TACC2: variants seen among roughly 807,000 people sequenced by gnomAD.
The protein encoded by TACC2 is transforming acidic coiled-coil-containing protein 2.
A neutral mutation model predicts 227.3 loss-of-function variants in TACC2; 137 were observed. The ratio of observed to expected loss-of-function variants is 0.60; its 90% CI spans 0.52 to 0.69. The LOEUF (loss-of-function observed/expected upper bound fraction) is 0.69. TACC2 is among the 30% of genes least tolerant of loss of function. The pLI is 0.00. For missense variants in TACC2, 3,470 were observed against 3,694.4 expected, an observed-to-expected ratio of 0.94 and a Z score of 1.57; for synonymous variants, 1,523 against 1,487.5, an observed-to-expected ratio of 1.02 and a Z score of -0.55.
rs765132515 is a variant in TACC2 at position 122,242,020 on chromosome 10, G to C, written c.8392+19G>C. The stretch of plus-strand genomic sequence containing the variant: ...ATGATAGGTAGGTGTCCTGACCTGC[G>C]GGGGCTCAGGCCGGCCCCGATGTTT... On this transcript the variant is annotated intron_variant, in intron 19 of 22. Transcript: ENST00000369005. 3 of 1,612,158 alleles carry C rather than the reference G, an allele frequency of 1.9e-6. No homozygotes were observed. The highest frequency in any genetic ancestry group is 2.2e-5 in the East Asian group (1 of 44,878).
Position 122,034,880 on chromosome 10 carries a change from A to T in TACC2, c.33+12866A>T, listed in dbSNP as rs1171055737. 6.6e-5 allele frequency among the ~76,000 whole-genome samples: 10 copies of T among 151,230 alleles called. No individual in the cohort carries two copies. In the Admixed American group the frequency reaches 6.6e-4, roughly 10 times the overall value. Reference sequence around the variant, plus strand: ...GAGGCAGAGGTTGCAGTGAGCCAAGATCGTGCCACTGCATTCCAGCCTGGG... The same window carrying T: ...GAGGCAGAGGTTGCAGTGAGCCAAGTTCGTGCCACTGCATTCCAGCCTGGG... On this transcript the variant is annotated intron_variant, in intron 2 of 22. Transcript: ENST00000369005.
At chr10:122,156,446 G>A (rs180764775) in intron 7 of TACC2, among the ~76,000 whole-genome samples, 2 of 151,770 alleles carry the variant, frequency 1.3e-5, no homozygotes, top group African/African-American at 4.8e-5. Flanking sequence ...GGATGGTCTC[G>A]ATCTCCTGAC....
intron 5 of TACC2, among the ~76,000 whole-genome samples, chr10:122,132,041 A>G (rs1007128692): frequency 6.8e-4 from 1 of 1,472 alleles, no homozygotes; most frequent in African/African-American, 8.3e-4. Context: ...AAAAAGAAAG[A>G]AAGAAAGAAA....
At chr10:122,013,681 C>T (rs1956216061) in intron 1 of TACC2, among the ~76,000 whole-genome samples, 1 of 152,212 alleles carries the variant, frequency 6.6e-6, no homozygotes, top group Non-Finnish European at 1.5e-5. Context: ...AACCCGACTG[C>T]CCGAGCCCTC....
At chr10:122,245,302 A>C (rs548813287) in intron 19 of TACC2, among the ~76,000 whole-genome samples, 1 of 152,298 alleles carries the variant, frequency 6.6e-6, no homozygotes, top group Admixed American at 6.5e-5. Context: ...TGTCATGTAC[A>C]AAAGGATTTG....
intron 3 of TACC2, among the ~76,000 whole-genome samples, chr10:122,078,195 CAAAAAAAAAAA>C (rs1175837364): frequency 1.6e-4 from 6 of 37,656 alleles, no homozygotes; most frequent in African/African-American, 5.4e-4. Flanking sequence ...ACTCCATCTC[CAAAAAAAAAAA>C]AAAAAAAAAA....
intron 18 of TACC2, among the ~76,000 whole-genome samples, chr10:122,240,866 A>G (rs913673848): frequency 1.3e-5 from 2 of 152,222 alleles, no homozygotes; most frequent in African/African-American, 4.8e-5. Flanking sequence ...GGGAGGCAGT[A>G]TGACAAACAG....
At chr10:122,073,300 C>T (rs1242065281) in intron 3 of TACC2, among the ~76,000 whole-genome samples, 1 of 151,588 alleles carries the variant, frequency 6.6e-6, no homozygotes, top group African/African-American at 2.4e-5. Flanking sequence ...GGGGGTCTCA[C>T]CATGGAGACG....
At chr10:122,221,327 A>G (rs1446210803) in intron 11 of TACC2, among the ~76,000 whole-genome samples, 4 of 152,206 alleles carry the variant, frequency 2.6e-5, no homozygotes, top group Non-Finnish European at 5.9e-5. Flanking sequence ...TGTGGAGGAA[A>G]AGATTAGGAA....
chr10:122,046,549 C>T (rs1435094603), intron 2 of TACC2, among the ~76,000 whole-genome samples: 6 of 151,868 alleles, frequency 4.0e-5, no homozygotes, highest in Admixed American at 1.3e-4. Context: ...AAGGGAGAGA[C>T]GCCTGCCTTT....
intron 1 of TACC2, among the ~76,000 whole-genome samples, chr10:121,998,918 A>G (rs1397854227): frequency 1.3e-5 from 2 of 152,184 alleles, no homozygotes; most frequent in Non-Finnish European, 2.9e-5. Flanking sequence ...TTCAGCCTGA[A>G]ACATGTATTT....
intron 7 of TACC2, among the ~76,000 whole-genome samples, chr10:122,171,712 G>A (rs1323592794): frequency 2.0e-5 from 3 of 152,144 alleles, no homozygotes; most frequent in African/African-American, 7.2e-5. Context: ...GTAGGTGGAC[G>A]TATCATTTGG....
At chr10:122,002,821 C>G (rs925141657) in intron 1 of TACC2, among the ~76,000 whole-genome samples, 3 of 152,108 alleles carry the variant, frequency 2.0e-5, no homozygotes, top group Non-Finnish European at 4.4e-5. Flanking sequence ...GGTTATTTCC[C>G]TCTTGTAATT....
At chr10:122,079,373 A>G (rs1000696528) in intron 3 of TACC2, among the ~76,000 whole-genome samples, 44 of 152,318 alleles carry the variant, frequency 2.9e-4, no homozygotes, top group African/African-American at 1.1e-3. Flanking sequence ...CCATGGGCCC[A>G]TCTGTCTTCC....
intron 7 of TACC2, among the ~76,000 whole-genome samples, chr10:122,184,049 A>G (rs2094082985): frequency 6.6e-6 from 1 of 152,194 alleles, no homozygotes; most frequent in Non-Finnish European, 1.5e-5. Context: ...AGGATCAGTC[A>G]TGAGGAAGCT....
rs1000531789 is a variant in TACC2 at position 122,179,941 on chromosome 10, G to A, written c.5835-15099G>A. Among the ~76,000 whole-genome samples the A allele has an allele frequency of 3.9e-5, 6 of 151,912 alleles. No homozygotes were observed. In the East Asian group the frequency reaches 5.8e-4, roughly 15 times the overall value. On this transcript the variant is annotated intron_variant, in intron 7 of 22. Coordinates refer to ENST00000369005, the MANE Select transcript of TACC2 (RefSeq NM_206862.4). ...CAAAAAATAAAAAAAAAATATAGCCGGGAGTGGTGGCGTGTATCCATGGTC... is the reference window on the plus strand; with the variant it reads ...CAAAAAATAAAAAAAAAATATAGCCAGGAGTGGTGGCGTGTATCCATGGTC...
At chr10:122,130,993 T>C (rs1162180590) in intron 5 of TACC2, among the ~76,000 whole-genome samples, 1 of 151,994 alleles carries the variant, frequency 6.6e-6, no homozygotes, top group African/African-American at 2.4e-5. Flanking sequence ...GTTACTACAG[T>C]TGTTACTAAA....
At chr10:122,088,909 C>T (rs2080393468) in intron 5 of TACC2, among the ~76,000 whole-genome samples, 1 of 152,072 alleles carries the variant, frequency 6.6e-6, no homozygotes, top group African/African-American at 2.4e-5. Context: ...TCACTTGAGC[C>T]CAGGAGTTTG....
At position 122,050,375 on chromosome 10, in the gene TACC2, G is replaced by T; in HGVS notation, c.34-63G>T. 1 of 1,336,608 alleles carries T rather than the reference G, an allele frequency of 7.5e-7. No homozygotes were observed. The highest frequency in any genetic ancestry group is 1.1e-6 in the Non-Finnish European group (1 of 940,846). 82.8% of individuals were successfully genotyped at this position (1,336,608 alleles called of 1,614,324 possible). ...TGTGGTGGGTGCCCTGTTGATAAAT[G>T]TTTTTGTGTTTTCAGAGACTCCTAT... On this transcript the variant is annotated intron_variant, in intron 2 of 22. Coordinates refer to ENST00000369005, the MANE Select transcript of TACC2 (RefSeq NM_206862.4). The surrounding 1 kb of genome is among the most constrained non-coding windows in gnomAD (Gnocchi z 4.6).
Sources: gnomAD v4.1 joint callset for allele counts (sites outside exome capture counted in the v4.1 genomes callset) on GRCh38, gnomAD v4.1.1 for gene constraint, Gnocchi (gnomAD v3.1) non-coding constraint, MANE v1.5 for transcripts, NCBI Gene and HGNC (gene_info 2026-07-23, HGNC 2026-07-21) for gene names.